Variants in WLS observed in about 807,000 individuals in gnomAD.
WLS encodes Wnt ligand secretion mediator, also known as protein wntless homolog.
WLS carries 23 observed loss-of-function variants against 62.8 expected under a neutral mutation model. That is an observed-to-expected ratio of 0.37 (90% CI 0.26 to 0.52). The LOEUF is 0.52. WLS is among the 20% of genes least tolerant of loss of function. The pLI, the probability that WLS is intolerant of heterozygous loss-of-function variation, is 0.92. For synonymous variants in WLS, 246 were observed against 244.1 expected (o/e 1.01, Z -0.07); for missense variants, 615 against 697.3 (o/e 0.88, Z 1.33).
At chr1:68,229,869 A>G (rs1029650989) in intron 1 of WLS, among the ~76,000 whole-genome samples, 5 of 152,322 alleles carry the variant, frequency 3.3e-5, no homozygotes, top group Admixed American at 3.3e-4. Flanking sequence ...TGTTATACAT[A>G]GATATTTTTC....
chr1:68,212,549 G>A (rs1239880147), intron 1 of WLS, among the ~76,000 whole-genome samples: 1 of 152,038 alleles, frequency 6.6e-6, no homozygotes, highest in African/African-American at 2.4e-5. Flanking sequence ...TACCAGATCG[G>A]GAGTTGACAT....
At chr1:68,202,469 T>G (rs1649072763) in intron 1 of WLS, 1 of 152,162 alleles carries the variant, frequency 6.6e-6, no homozygotes, top group African/African-American at 2.4e-5. Context: ...TATATCAAAT[T>G]ACGAATTTCT....
chr1:68,123,752 C>A (rs535591329), downstream of WLS, among the ~76,000 whole-genome samples: 1 of 152,032 alleles, frequency 6.6e-6, no homozygotes, highest in Non-Finnish European at 1.5e-5. Context: ...AGCCACCTGC[C>A]TAAGACTCCT....
At chr1:68,163,452 C>T (rs941509140) in intron 2 of WLS, among the ~76,000 whole-genome samples, 4 of 152,038 alleles carry the variant, frequency 2.6e-5, no homozygotes, top group African/African-American at 9.7e-5. Context: ...CCCCTCAGCG[C>T]AGCATGGCTC....
intron 1 of WLS, among the ~76,000 whole-genome samples, chr1:68,214,850 A>T (rs1354563573): frequency 2.0e-5 from 3 of 152,236 alleles, no homozygotes; most frequent in Admixed American, 2.0e-4. Flanking sequence ...ACTTCTCTAC[A>T]GTCATTGAAT....
chr1:68,137,982 A>G, intron 10 of WLS, 49 bp from the exon 11 acceptor site: 1 of 1,607,428 alleles, frequency 6.2e-7, no homozygotes, highest in Non-Finnish European at 8.5e-7. Context: ...AAGAAACAGA[A>G]GAAACATAAC....
chr1:68,151,958 T>C (rs1200154976), intron 5 of WLS, among the ~76,000 whole-genome samples: 2 of 152,130 alleles, frequency 1.3e-5, no homozygotes, highest in East Asian at 3.9e-4. Flanking sequence ...CTGTTCCCAC[T>C]GATCCAGGTG....
chr1:68,116,823 T>G (rs1402891145), intron 11 of WLS, among the ~76,000 whole-genome samples: 2 of 152,160 alleles, frequency 1.3e-5, no homozygotes, highest in Non-Finnish European at 2.9e-5. Context: ...ATGCAGCCAT[T>G]GTTTATCTTG....
intron 1 of WLS, among the ~76,000 whole-genome samples, chr1:68,198,784 T>C (rs1259446221): frequency 6.6e-6 from 1 of 152,220 alleles, no homozygotes; most frequent in Admixed American, 6.5e-5. Context: ...AGTCAGATAT[T>C]TGGGAGGTGG....
At chr1:68,217,988 T>C (rs1649799793) in intron 1 of WLS, among the ~76,000 whole-genome samples, 1 of 152,182 alleles carries the variant, frequency 6.6e-6, no homozygotes, top group Admixed American at 6.5e-5. Context: ...AAAATGAATT[T>C]CCCATGGTTC....
chr1:68,159,028 G>A (rs1646937193), intron 3 of WLS, 95 bp downstream of exon 3: 4 of 1,511,266 alleles, frequency 2.6e-6, no homozygotes, highest in East Asian at 2.3e-5. Flanking sequence ...CTGTCCTCAT[G>A]CGAAGAAGGG....
intron 8 of WLS, among the ~76,000 whole-genome samples, chr1:68,147,078 A>G (rs1311550184): frequency 6.6e-6 from 1 of 152,170 alleles, no homozygotes; most frequent in Admixed American, 6.5e-5. Context: ...AAAGCATTTA[A>G]TAAGTATGAA....
chr1:68,232,126 A>G, intron 1 of WLS, 68 bp downstream of exon 1: 1 of 1,601,602 alleles, frequency 6.2e-7, no homozygotes, highest in South Asian at 1.1e-5. Flanking sequence ...CAAGTAGCCC[A>G]AGAGGCAAAG....
intron 11 of WLS, among the ~76,000 whole-genome samples, chr1:68,109,052 A>T (rs978363489): frequency 6.6e-6 from 1 of 152,248 alleles, no homozygotes; most frequent in Non-Finnish European, 1.5e-5. Context: ...GCTTGCAAGA[A>T]GTTATGTACC....
At position 68,232,502 on chromosome 1, in the gene WLS, C is replaced by T. The variant is rs1650478502; in HGVS notation, c.-203G>A. On this transcript the variant is annotated 5_prime_UTR_variant, in exon 1 of 12. Transcript: ENST00000262348. The stretch of plus-strand genomic sequence containing the variant: ...CCGGCGCAGCCGGCTCGGGTTCCCC[C>T]AATGCCCGGAGCTGTGATTGTGGCC... 8.9e-7 allele frequency: 1 copy of T among 1,120,582 alleles called. No individual in the cohort carries two copies. The highest frequency in any genetic ancestry group is 1.2e-6 in the Non-Finnish European group (1 of 837,562). The allele number at this position is 1,120,582 out of a possible 1,614,324, so 69.4% of individuals were successfully genotyped here. A position where few individuals can be genotyped will look rare whatever the true frequency, so the allele number is the denominator to read the frequency against.
intron 11 of WLS, among the ~76,000 whole-genome samples, chr1:68,110,350 C>G (rs923669891): frequency 5.9e-5 from 9 of 151,580 alleles, no homozygotes; most frequent in Admixed American, 2.6e-4. Flanking sequence ...ACTTGTGAAA[C>G]CAATTGAAGA....
chr1:68,196,884 C>T (rs931021756), intron 1 of WLS, among the ~76,000 whole-genome samples: 16 of 152,100 alleles, frequency 1.1e-4, no homozygotes, highest in African/African-American at 3.4e-4. Context: ...TATCCTGACT[C>T]AGCTAAATAG....
chr1:68,107,810 T>C (rs960250613), intron 11 of WLS, among the ~76,000 whole-genome samples: 3 of 152,124 alleles, frequency 2.0e-5, no homozygotes, highest in Admixed American at 6.5e-5. Flanking sequence ...TACCCCATCA[T>C]GGGCACAACG....
chr1:68,132,631 A>T (rs1380863455), intron 11 of WLS, among the ~76,000 whole-genome samples: 1 of 152,144 alleles, frequency 6.6e-6, no homozygotes, highest in Non-Finnish European at 1.5e-5. Flanking sequence ...GGTGCATTAG[A>T]CAGAAAATGC....
Sources: allele counts gnomAD v4.1 joint callset (sites outside exome capture counted in the v4.1 genomes callset), GRCh38; gene constraint gnomAD v4.1.1; transcripts MANE v1.5; gene names NCBI Gene and HGNC (gene_info 2026-07-23, HGNC 2026-07-21).